Variants in BLK observed in about 807,000 individuals in gnomAD.
BLK encodes tyrosine-protein kinase Blk.
In BLK, 64 loss-of-function variants were observed where a neutral mutation model predicts 61.8. The ratio of observed to expected loss-of-function variants is 1.03; its 90% confidence interval spans 0.85 to 1.27. The LOEUF (loss-of-function observed/expected upper bound fraction) is 1.27, where lower values mean the gene tolerates loss of function less well. Among genes scored for constraint, BLK ranks in the 50% most tolerant of loss-of-function variants. The pLI is 0.00. For missense variants in BLK, 853 were observed against 660.5 expected (o/e 1.29, Z -3.19); for synonymous variants, 351 against 272.0 (o/e 1.29, Z -2.86).
chr8:11,520,505 AAG>A, intron 1 of BLK, among the ~76,000 whole-genome samples: 21 of 147,958 alleles, frequency 1.4e-4, no homozygotes, highest in African/African-American at 5.2e-4. Context: ...AAAAAAAAGG[AAG>A]AAAGAAAAAG....
intron 6 of BLK, chr8:11,554,266 G>A: frequency 1.0e-5 from 2 of 198,922 alleles, no homozygotes; most frequent in Non-Finnish European, 1.0e-5. Flanking sequence ...GAGCCCCTGG[G>A]CATAGCTTAT....
At position 11,558,020 on chromosome 8, in the gene BLK, G is replaced by A. The variant is rs1215211265; in HGVS notation, c.1011G>A (p.Leu337=). The A allele has an allele frequency of 1.2e-6, 2 of 1,614,112 alleles. No individual in the cohort carries two copies. The highest frequency in any genetic ancestry group is 4.5e-5 in the East Asian group (2 of 44,886). ...GGAGCAGATTGTCACTCCCAAGGCT[G>A]ATTGACATGTCGGCGCAGGTTGGTG... ...DEGSRLSLPR[L]IDMSAQIAEG... The change falls in exon 10 of 13, where the codon CTG becomes CTA. Residue 337 remains leucine, a synonymous_variant. Transcript: ENST00000259089.
chr8:11,498,521 G>T (rs561265646), intron 1 of BLK, among the ~76,000 whole-genome samples: 4 of 152,346 alleles, frequency 2.6e-5, no homozygotes, highest in Admixed American at 2.0e-4. Flanking sequence ...TCAGCGTGTT[G>T]TGGATATGAG....
chr8:11,555,402 C>G lies in BLK; in HGVS notation c.690C>G (p.Ala230=). The change falls in exon 8 of 13, where the codon GCC becomes GCG. Residue 230 remains alanine, a synonymous_variant. Coordinates refer to ENST00000259089, the MANE Select transcript of BLK (RefSeq NM_001715.3). ...GCCCGGCCCCGCAGAATCCCTGGGC[C>G]CAGGATGAATGGGAGATCCCCCGGC... ...CVRPAPQNPW[A]QDEWEIPRQS... 1 of 1,614,134 alleles carries G rather than the reference C, an allele frequency of 6.2e-7. No homozygotes were observed. Among genetic ancestry groups the G allele is most frequent in the South Asian group, 1.1e-5 (1 of 91,076 alleles).
intron 5 of BLK, among the ~76,000 whole-genome samples, chr8:11,549,529 C>A (rs1317556488): frequency 6.6e-6 from 1 of 152,198 alleles, no homozygotes; most frequent in African/African-American, 2.4e-5. Flanking sequence ...TTAATACTCC[C>A]AATCTTCTAA....
In BLK at chr8:11,561,421, A is replaced by C; in HGVS notation, c.1149A>C (p.Arg383=). 6.2e-7 allele frequency: 1 copy of C among 1,614,078 alleles called. No individual in the cohort carries two copies. The change falls in exon 11 of 13, where the codon CGA becomes CGC. Residue 383 remains arginine, a synonymous_variant. Coordinates refer to ENST00000259089, the MANE Select transcript of BLK (RefSeq NM_001715.3). ...AAATTGCTGATTTTGGCTTGGCTCG[A>C]ATCATCGACAGTGAATACACGGCCC... ...CCKIADFGLA[R]IIDSEYTAQE... is the part of the protein sequence containing the mutation.
chr8:11,549,923 T>G, intron 5 of BLK: 1 of 557,944 alleles, frequency 1.8e-6, no homozygotes, highest in South Asian at 1.9e-5. Flanking sequence ...CTAGTGTTCT[T>G]GTTTCGTTCT....
intron 1 of BLK, among the ~76,000 whole-genome samples, chr8:11,523,007 T>C (rs1456902473): frequency 6.6e-6 from 1 of 152,140 alleles, no homozygotes; most frequent in East Asian, 1.9e-4. Flanking sequence ...GAAGAAAGTG[T>C]ACCAAAATAT....
intron 1 of BLK, among the ~76,000 whole-genome samples, chr8:11,502,725 C>G (rs1798612671): frequency 1.3e-5 from 2 of 152,346 alleles, no homozygotes; most frequent in South Asian, 2.1e-4. Flanking sequence ...GGCCGAGTGT[C>G]TTGAGGCCAC....
At chr8:11,542,099 A>G (rs1800403163) in intron 1 of BLK, among the ~76,000 whole-genome samples, 1 of 152,210 alleles carries the variant, frequency 6.6e-6, no homozygotes, top group Non-Finnish European at 1.5e-5. Flanking sequence ...GACATGAGGA[A>G]TGTGCTTTCA....
chr8:11,540,164 T>C (rs1040498081), intron 1 of BLK, among the ~76,000 whole-genome samples: 1 of 152,132 alleles, frequency 6.6e-6, no homozygotes, highest in Non-Finnish European at 1.5e-5. Flanking sequence ...TACATTTTTG[T>C]TTTTTATTTT....
At chr8:11,557,185 A>C (rs941808456) in intron 9 of BLK, among the ~76,000 whole-genome samples, 2 of 152,192 alleles carry the variant, frequency 1.3e-5, no homozygotes, top group South Asian at 2.1e-4. Flanking sequence ...GGACAGTACT[A>C]GATCCAGGTC....
At chr8:11,527,601 G>A (rs114178662) in intron 1 of BLK, among the ~76,000 whole-genome samples, 1,767 of 151,972 alleles carry the variant, frequency 0.012, 27 homozygotes, top group African/African-American at 0.041. Flanking sequence ...ACAATTTGGT[G>A]GGCAGGGTAA....
intron 1 of BLK, among the ~76,000 whole-genome samples, chr8:11,511,953 T>A (rs143964934): frequency 7.9e-5 from 12 of 152,334 alleles, no homozygotes; most frequent in Middle Eastern, 3.4e-3. Context: ...GTAAGCATTT[T>A]CTTACGTTTG....
rs1171321018 is a variant in BLK at position 11,564,093 on chromosome 8, C to T, written c.1503C>T (p.Tyr501=). ...EDFYTATERQ[Y]ELQP ...TCTACACGGCCACCGAGCGGCAGTA[C>T]GAGCTGCAGCCCTAGCCGGCCGCGC... The change falls in exon 13 of 13, where the codon TAC becomes TAT. Residue 501 remains tyrosine (Y), a synonymous_variant. Coordinates refer to ENST00000259089, the MANE Select transcript of BLK (RefSeq NM_001715.3). The T allele has an allele frequency of 5.1e-6, 8 of 1,579,608 alleles. No individual in the cohort carries two copies. The South Asian group carries it at 7.9e-5, about 16-fold the overall frequency.
At chr8:11,539,927 G>T (rs183095692) in intron 1 of BLK, among the ~76,000 whole-genome samples, 1 of 152,246 alleles carries the variant, frequency 6.6e-6, no homozygotes, top group East Asian at 1.9e-4. Flanking sequence ...AAGTTTATGA[G>T]CTTTGTATAT....
chr8:11,544,027 A>T (rs1294283448), intron 2 of BLK, among the ~76,000 whole-genome samples: 1 of 149,340 alleles, frequency 6.7e-6, no homozygotes, highest in Non-Finnish European at 1.5e-5. Context: ...CAGTGGTGGG[A>T]CCTTGGCTCA....
At chr8:11,532,365 AT>A (rs56990952) in intron 1 of BLK, among the ~76,000 whole-genome samples, 50,088 of 125,264 alleles carry the variant, frequency 0.4, 9,812 homozygotes, top group East Asian at 0.69. Flanking sequence ...TGCCCAGCTC[AT>A]TTTTTTTTTT....
At chr8:11,535,296 G>GAAAGAAAGAAAA (rs1563102465) in intron 1 of BLK, among the ~76,000 whole-genome samples, 7 of 143,470 alleles carry the variant, frequency 4.9e-5, no homozygotes, top group African/African-American at 1.8e-4. Flanking sequence ...AAGAAAGAAA[G>GAAAGAAAGAAAA]AAAGAAAGAA....
Sources: gnomAD v4.1 joint callset for allele counts (sites outside exome capture counted in the v4.1 genomes callset) on GRCh38, gnomAD v4.1.1 for gene constraint, MANE v1.5 for transcripts, NCBI Gene and HGNC (gene_info 2026-07-23, HGNC 2026-07-21) for gene names.